AGBL4: variants seen among roughly 807,000 people sequenced by gnomAD.
AGBL4 encodes cytosolic carboxypeptidase 6.
In AGBL4, 58 loss-of-function variants were observed where a neutral mutation model predicts 66.4. The ratio of observed to expected loss-of-function variants is 0.87; its 90% CI spans 0.71 to 1.09. The LOEUF is 1.09. Ranked by LOEUF, AGBL4 falls within the 50% of genes least tolerant of loss-of-function variation. AGBL4 has a pLI of 0.00. For missense variants in AGBL4, 579 were observed against 631.0 expected, an observed-to-expected ratio of 0.92 and a Z score of 0.88; for synonymous variants, 234 against 222.9, an observed-to-expected ratio of 1.05 and a Z score of -0.44.
intron 6 of AGBL4, among the ~76,000 whole-genome samples, chr1:48,815,401 C>T (rs8179487): frequency 0.11 from 17,467 of 151,934 alleles, 1,100 homozygotes; most frequent in African/African-American, 0.15. Context: ...GAGTAAATTA[C>T]CAAGGTAATA....
At chr1:49,565,814 G>A (rs1356695183) in intron 3 of AGBL4, among the ~76,000 whole-genome samples, 1 of 152,088 alleles carries the variant, frequency 6.6e-6, no homozygotes, top group East Asian at 1.9e-4. Context: ...TCTTTGTGGT[G>A]TTCTCTGTAT....
chr1:49,253,959 T>A (rs66494159), intron 3 of AGBL4, among the ~76,000 whole-genome samples: 17,000 of 152,204 alleles, frequency 0.11, 1,627 homozygotes, highest in African/African-American at 0.25. Context: ...TTGATAAAAT[T>A]AAACATTACT....
intron 6 of AGBL4, among the ~76,000 whole-genome samples, chr1:48,828,092 A>G (rs1294886011): frequency 1.3e-5 from 2 of 149,948 alleles, no homozygotes; most frequent in Non-Finnish European, 3.0e-5. Flanking sequence ...GCTACTTGGG[A>G]GGCTGAGGCA....
intron 2 of AGBL4, among the ~76,000 whole-genome samples, chr1:49,758,248 A>G (rs1652041492): frequency 6.6e-6 from 1 of 152,180 alleles, no homozygotes; most frequent in African/African-American, 2.4e-5. Context: ...AAACACCTGG[A>G]TGTCCAGGCA....
intron 1 of AGBL4, among the ~76,000 whole-genome samples, chr1:49,977,447 T>G (rs1297636275): frequency 6.6e-6 from 1 of 152,238 alleles, no homozygotes; most frequent in Non-Finnish European, 1.5e-5. Context: ...TCATGCTATG[T>G]CTAAAAGTTG....
chr1:48,936,282 A>T (rs1446172715), intron 5 of AGBL4, among the ~76,000 whole-genome samples: 2 of 152,004 alleles, frequency 1.3e-5, no homozygotes, highest in Non-Finnish European at 2.9e-5. Context: ...AGTACAAGAA[A>T]TCTACTGCCT....
At chr1:49,223,932 G>A (rs1326937679) in intron 4 of AGBL4, among the ~76,000 whole-genome samples, 2 of 152,198 alleles carry the variant, frequency 1.3e-5, no homozygotes, top group Non-Finnish European at 2.9e-5. Context: ...GCAGTAAGGA[G>A]GATGACGATC....
chr1:49,791,329 T>A (rs1644593886), intron 2 of AGBL4, among the ~76,000 whole-genome samples: 1 of 152,150 alleles, frequency 6.6e-6, no homozygotes, highest in Non-Finnish European at 1.5e-5. Context: ...CATGGATATA[T>A]GTATGTTATA....
At chr1:48,746,178 T>C (rs1039422296) in intron 6 of AGBL4, among the ~76,000 whole-genome samples, 24 of 152,316 alleles carry the variant, frequency 1.6e-4, no homozygotes, top group Admixed American at 1.4e-3. Context: ...ACTATATATA[T>C]ATATTCGTAT....
At chr1:48,722,926 A>G (rs1481254753) in intron 6 of AGBL4, among the ~76,000 whole-genome samples, 3 of 152,158 alleles carry the variant, frequency 2.0e-5, no homozygotes, top group Non-Finnish European at 4.4e-5. Flanking sequence ...CTTTACTCAC[A>G]TTATCTTACT....
chr1:49,399,468 A>G (rs1398384650), intron 3 of AGBL4, among the ~76,000 whole-genome samples: 1 of 152,140 alleles, frequency 6.6e-6, no homozygotes, highest in African/African-American at 2.4e-5. Context: ...CCAAAAGTGT[A>G]TGAGGGTTCC....
chr1:49,446,359 G>A (rs1376301869), intron 3 of AGBL4, among the ~76,000 whole-genome samples: 2 of 152,136 alleles, frequency 1.3e-5, no homozygotes, highest in African/African-American at 4.8e-5. Context: ...TCCTGAGAAT[G>A]TATCTGTGGT....
chr1:49,134,482 C>A (rs1645967407), intron 4 of AGBL4, among the ~76,000 whole-genome samples: 1 of 121,898 alleles, frequency 8.2e-6, no homozygotes, highest in African/African-American at 3.0e-5. Flanking sequence ...AGGGCCCCCC[C>A]CCCCCCACCC....
intron 2 of AGBL4, among the ~76,000 whole-genome samples, chr1:49,718,424 T>A (rs994404344): frequency 6.6e-6 from 1 of 152,102 alleles, no homozygotes; most frequent in African/African-American, 2.4e-5. Context: ...TGAGCCAAGA[T>A]AAAACTCTTT....
chr1:49,149,733 T>C (rs1288263172), intron 4 of AGBL4, among the ~76,000 whole-genome samples: 1 of 152,148 alleles, frequency 6.6e-6, no homozygotes, highest in Non-Finnish European at 1.5e-5. Flanking sequence ...ATGTAACCAG[T>C]GTTAAGTAAA....
chr1:49,869,103 G>A (rs184596374), intron 1 of AGBL4, among the ~76,000 whole-genome samples: 132 of 152,280 alleles, frequency 8.7e-4, no homozygotes, highest in African/African-American at 3.2e-3. Flanking sequence ...AACAACAGAT[G>A]TTGGTGAGGC....
chr1:48,984,654 C>T (rs1571160861), intron 5 of AGBL4, among the ~76,000 whole-genome samples: 1 of 151,262 alleles, frequency 6.6e-6, no homozygotes, highest in African/African-American at 2.4e-5. Context: ...AAACAGATAC[C>T]TACTATCTTA....
chr1:49,836,929 C>T (rs1167621107), intron 2 of AGBL4, among the ~76,000 whole-genome samples: 1 of 152,212 alleles, frequency 6.6e-6, no homozygotes, highest in Non-Finnish European at 1.5e-5. Flanking sequence ...GCTAAGATTG[C>T]TGCTTGCTCT....
At chr1:49,296,773 T>C (rs894127653) in intron 3 of AGBL4, among the ~76,000 whole-genome samples, 1 of 152,194 alleles carries the variant, frequency 6.6e-6, no homozygotes, top group African/African-American at 2.4e-5. Context: ...AAGGAATAAG[T>C]CCTTGGGAGA....
Sources: gnomAD v4.1 joint callset for allele counts (sites outside exome capture counted in the v4.1 genomes callset) on GRCh38, gnomAD v4.1.1 for gene constraint, MANE v1.5 for transcripts, NCBI Gene and HGNC (gene_info 2026-07-23, HGNC 2026-07-21) for gene names.